The following NRXN1 variants were observed in gnomAD, a reference collection of about 807,000 sequenced individuals.
The protein encoded by NRXN1 is neurexin 1, also known as neurexin-1.
Under a neutral mutation model 150.9 loss-of-function variants are expected in NRXN1, and 39 were observed. That is an observed-to-expected ratio of 0.26 (90% confidence interval 0.20 to 0.34). NRXN1 has a LOEUF of 0.34. Among genes scored for constraint, NRXN1 ranks in the 10% least tolerant of loss-of-function variants. NRXN1 has a pLI of 1.00. For synonymous variants in NRXN1, 924 were observed against 757.0 expected (o/e 1.22, Z -3.62); for missense variants, 1,815 against 1,949.9 (o/e 0.93, Z 1.30).
chr2:50,667,239 T>C (rs554578088), intron 5 of NRXN1, among the ~76,000 whole-genome samples: 57 of 152,070 alleles, frequency 3.7e-4, no homozygotes, highest in African/African-American at 1.2e-3. Flanking sequence ...CTTAATTGCA[T>C]ATTATCAACA....
At chr2:50,435,797 T>A (rs2085369050) in intron 17 of NRXN1, among the ~76,000 whole-genome samples, 1 of 152,114 alleles carries the variant, frequency 6.6e-6, no homozygotes, top group African/African-American at 2.4e-5. Context: ...CACTGGGGCC[T>A]TCTTGAGGGT....
intron 17 of NRXN1, among the ~76,000 whole-genome samples, chr2:50,245,345 T>C (rs1442058471): frequency 6.6e-6 from 1 of 151,810 alleles, no homozygotes; most frequent in Non-Finnish European, 1.5e-5. Context: ...GAATTAAAAA[T>C]AAAACAAAGC....
At chr2:50,841,884 G>A (rs187130552) in intron 5 of NRXN1, among the ~76,000 whole-genome samples, 51 of 152,186 alleles carry the variant, frequency 3.4e-4, no homozygotes, top group Admixed American at 1.6e-3. Flanking sequence ...CTGAATTATA[G>A]TCTGGTGAGT....
intron 17 of NRXN1, among the ~76,000 whole-genome samples, chr2:50,414,494 G>A (rs2083403462): frequency 6.6e-6 from 1 of 151,130 alleles, no homozygotes; most frequent in African/African-American, 2.4e-5. Context: ...TTTCTTTTGG[G>A]AATATTTTTT....
chr2:50,040,021 T>C (rs912158170), intron 21 of NRXN1, among the ~76,000 whole-genome samples: 1 of 152,156 alleles, frequency 6.6e-6, no homozygotes, highest in Non-Finnish European at 1.5e-5. Context: ...GGATAATATT[T>C]ACACAGTAAT....
intron 17 of NRXN1, among the ~76,000 whole-genome samples, chr2:50,360,285 C>T (rs2079096158): frequency 6.6e-6 from 1 of 152,112 alleles, no homozygotes; most frequent in Non-Finnish European, 1.5e-5. Flanking sequence ...TGTAAATGGG[C>T]CAAATGCCCA....
rs2077994161 is a variant in NRXN1 at position 50,346,615 on chromosome 2, G to A, written c.3365-109645C>T. On this transcript the variant is annotated intron_variant, in intron 17 of 22. Transcript: ENST00000401669. The surrounding 1 kb of genome is among the most constrained non-coding windows in gnomAD (Gnocchi z 5.0). ...GAGCTCCCATTTCTCTGAGCCTTAG[G>A]AGCCCAGGAGCGAGTGCAGGGTAGA... is the stretch of plus-strand genomic sequence containing the variant. The A allele has an allele frequency of 1.1e-5, 17 of 1,496,374 alleles. No individual in the cohort carries two copies. Among genetic ancestry groups the A allele is most frequent in the Non-Finnish European group, 1.5e-5 (16 of 1,076,742 alleles). 92.7% of individuals were successfully genotyped at this position (1,496,374 alleles called of 1,614,324 possible). A position where few individuals can be genotyped will look rare whatever the true frequency, so the allele number is the denominator to read the frequency against.
At chr2:50,345,397 G>C (rs534408593) in intron 17 of NRXN1, among the ~76,000 whole-genome samples, 10 of 152,276 alleles carry the variant, frequency 6.6e-5, no homozygotes, top group Non-Finnish European at 1.3e-4. Context: ...AGCACCAGCA[G>C]CTGCTCAGGG....
At chr2:50,382,652 TAGA>T (rs2081054627) in intron 17 of NRXN1, among the ~76,000 whole-genome samples, 1 of 152,144 alleles carries the variant, frequency 6.6e-6, no homozygotes, top group Non-Finnish European at 1.5e-5. Flanking sequence ...TCTCCCTAGA[TAGA>T]GAGTTATGAA....
At chr2:50,126,327 C>T (rs752394377) in intron 18 of NRXN1, among the ~76,000 whole-genome samples, 2 of 151,944 alleles carry the variant, frequency 1.3e-5, no homozygotes, top group African/African-American at 2.4e-5. Context: ...TTAACTATTG[C>T]TCCATCATTA....
At chr2:50,391,705 C>G (rs528961976) in intron 17 of NRXN1, among the ~76,000 whole-genome samples, 1 of 152,150 alleles carries the variant, frequency 6.6e-6, no homozygotes, top group East Asian at 1.9e-4. Context: ...GAGTCTTAAT[C>G]CCAGATCTGA....
intron 17 of NRXN1, among the ~76,000 whole-genome samples, chr2:50,356,822 T>C (rs1280298958): frequency 1.3e-5 from 2 of 152,216 alleles, no homozygotes; most frequent in Non-Finnish European, 2.9e-5. Flanking sequence ...CTGATGATTT[T>C]TTTAAAGCAT....
intron 17 of NRXN1, among the ~76,000 whole-genome samples, chr2:50,464,636 A>G (rs1206849355): frequency 6.6e-6 from 1 of 151,984 alleles, no homozygotes; most frequent in Non-Finnish European, 1.5e-5. Flanking sequence ...GACAACATAT[A>G]GCACGTATTC....
At chr2:50,458,527 T>C (rs2087819354) in intron 17 of NRXN1, among the ~76,000 whole-genome samples, 1 of 152,156 alleles carries the variant, frequency 6.6e-6, no homozygotes, top group African/African-American at 2.4e-5. Context: ...ATTGTGTGCT[T>C]ATATTAAAAT....
chr2:50,658,236 TAC>T (rs1410564559), intron 5 of NRXN1, among the ~76,000 whole-genome samples: 1 of 151,966 alleles, frequency 6.6e-6, no homozygotes, highest in Non-Finnish European at 1.5e-5. Flanking sequence ...GTCCATCTGA[TAC>T]ACCCTCAAAA....
intron 21 of NRXN1, among the ~76,000 whole-genome samples, chr2:50,031,057 T>A (rs1689103132): frequency 6.6e-6 from 1 of 152,076 alleles, no homozygotes; most frequent in African/African-American, 2.4e-5. Flanking sequence ...GGGACTGTTT[T>A]CTAAAGAACT....
At chr2:50,354,761 A>T (rs1460888768) in intron 17 of NRXN1, among the ~76,000 whole-genome samples, 1 of 151,892 alleles carries the variant, frequency 6.6e-6, no homozygotes, top group East Asian at 1.9e-4. Context: ...AACAAAAATT[A>T]AAAAGTCCCT....
At chr2:50,421,980 T>A (rs1558702887) in intron 17 of NRXN1, among the ~76,000 whole-genome samples, 1 of 152,142 alleles carries the variant, frequency 6.6e-6, no homozygotes, top group Non-Finnish European at 1.5e-5. Context: ...GAGCCCTTCA[T>A]CCACCTTTCC....
chr2:50,505,095 T>C (rs2092151016), intron 13 of NRXN1, among the ~76,000 whole-genome samples: 1 of 152,162 alleles, frequency 6.6e-6, no homozygotes, highest in Non-Finnish European at 1.5e-5. Context: ...CTGTGTTTTA[T>C]ATGTATGTAT....
Sources: gnomAD v4.1 joint callset for allele counts (sites outside exome capture counted in the v4.1 genomes callset) on GRCh38, gnomAD v4.1.1 for gene constraint, Gnocchi (gnomAD v3.1) non-coding constraint, MANE v1.5 for transcripts, NCBI Gene and HGNC (gene_info 2026-07-23, HGNC 2026-07-21) for gene names.